The following CSMD1 variants were observed in gnomAD, a reference collection of about 807,000 sequenced individuals.
The protein encoded by CSMD1 is CUB and sushi domain-containing protein 1.
Under a neutral mutation model 417.5 loss-of-function variants are expected in CSMD1, and 213 were observed. The ratio of observed to expected loss-of-function variants is 0.51; its 90% CI spans 0.46 to 0.57. The LOEUF (loss-of-function observed/expected upper bound fraction) is 0.57, where lower values mean the gene tolerates loss of function less well. CSMD1 is among the 20% of genes least tolerant of loss of function. The pLI is 0.00. For synonymous variants in CSMD1, 2,862 were observed against 1,736.8 expected, an observed-to-expected ratio of 1.65 and a Z score of -16.11; for missense variants, 6,923 against 4,529.7, an observed-to-expected ratio of 1.53 and a Z score of -15.17.
At chr8:4,038,170 G>A (rs1382690965) in intron 3 of CSMD1, among the ~76,000 whole-genome samples, 3 of 152,072 alleles carry the variant, frequency 2.0e-5, no homozygotes, top group Non-Finnish European at 4.4e-5. Context: ...TTATGATTTA[G>A]GGATTGGGGA....
At chr8:3,346,094 C>T (rs1807970808) in intron 22 of CSMD1, among the ~76,000 whole-genome samples, 1 of 152,124 alleles carries the variant, frequency 6.6e-6, no homozygotes, top group African/African-American at 2.4e-5. Flanking sequence ...TTACTATAAA[C>T]ATTTTTAACA....
intron 2 of CSMD1, among the ~76,000 whole-genome samples, chr8:4,446,854 C>G (rs529401555): frequency 2.9e-4 from 43 of 150,224 alleles, no homozygotes; most frequent in Non-Finnish European, 5.8e-4. Flanking sequence ...AACTCCTGAC[C>G]TTGTGATCCA....
chr8:4,988,762 T>C (rs1584956786), intron 1 of CSMD1, among the ~76,000 whole-genome samples: 3 of 152,192 alleles, frequency 2.0e-5, no homozygotes, highest in Non-Finnish European at 4.4e-5. Flanking sequence ...TTAAAGAAAA[T>C]TGCAACTGAG....
Position 3,936,573 on chromosome 8 carries a change from A to C in CSMD1, c.818+61330T>G, listed in dbSNP as rs554328489. Among the ~76,000 whole-genome samples, 106 of 152,302 alleles carry C rather than the reference A, an allele frequency of 7.0e-4. 2 individuals are homozygous for C. The South Asian group carries it at 0.021, about 30-fold the overall frequency. ...AACAACAAAGCCGGGAAGATAGCAC[A>C]TCTCTTTATAGCATGGTTTACTGAA... On this transcript the variant is annotated intron_variant, in intron 5 of 69. Transcript: ENST00000635120.
At chr8:3,839,071 T>C (rs1341925064) in intron 5 of CSMD1, among the ~76,000 whole-genome samples, 1 of 126,112 alleles carries the variant, frequency 7.9e-6, no homozygotes, top group Non-Finnish European at 1.6e-5. Flanking sequence ...TATAGATATA[T>C]AGCCTAGGCT....
intron 1 of CSMD1, among the ~76,000 whole-genome samples, chr8:4,704,495 A>T (rs1481564417): frequency 6.6e-6 from 1 of 152,198 alleles, no homozygotes; most frequent in African/African-American, 2.4e-5. Flanking sequence ...TTTTTGTAGT[A>T]CTATTTTCTC....
chr8:4,936,208 T>C (rs1807609962), intron 1 of CSMD1, among the ~76,000 whole-genome samples: 1 of 152,186 alleles, frequency 6.6e-6, no homozygotes, highest in Non-Finnish European at 1.5e-5. Flanking sequence ...TATGCTTCCA[T>C]ATAATAAAGA....
intron 2 of CSMD1, among the ~76,000 whole-genome samples, chr8:4,486,220 T>G (rs1300061124): frequency 4.2e-5 from 1 of 23,556 alleles, no homozygotes; most frequent in Non-Finnish European, 8.4e-5. Flanking sequence ...TATATATATA[T>G]ATATACATAC....
intron 7 of CSMD1, among the ~76,000 whole-genome samples, chr8:3,676,648 C>T (rs1799388759): frequency 1.3e-5 from 2 of 152,112 alleles, no homozygotes; most frequent in African/African-American, 2.4e-5. Flanking sequence ...CACGCACACA[C>T]ATGTGGGTAG....
At chr8:3,128,198 C>T (rs904252340) in intron 41 of CSMD1, 1 of 152,094 alleles carries the variant, frequency 6.6e-6, no homozygotes, top group South Asian at 2.1e-4. Flanking sequence ...CTATTATTCA[C>T]ATCAAGTTTT....
chr8:3,711,711 C>T lies in CSMD1; in HGVS notation c.932-3220G>A, dbSNP rs567229491. 3.9e-5 allele frequency among the ~76,000 whole-genome samples: 6 copies of T among 152,266 alleles called. No homozygotes were observed. The South Asian group carries it at 1.2e-3, about 32-fold the overall frequency. ...CTCAGAAGTCCTCTGCCAGCTCTCC[C>T]CAGGATAATGCTTTCATCCAAAATG... On this transcript the variant is annotated intron_variant, in intron 6 of 69. Coordinates refer to ENST00000635120, the MANE Select transcript of CSMD1 (RefSeq NM_033225.6).
intron 1 of CSMD1, among the ~76,000 whole-genome samples, chr8:4,929,745 C>A (rs1450810707): frequency 1.3e-5 from 2 of 152,080 alleles, no homozygotes; most frequent in Non-Finnish European, 2.9e-5. Context: ...GACATTCACC[C>A]TAAGCCATGG....
chr8:3,925,809 G>C (rs906593083), intron 5 of CSMD1, among the ~76,000 whole-genome samples: 1 of 151,992 alleles, frequency 6.6e-6, no homozygotes, highest in African/African-American at 2.4e-5. Context: ...GTCTTTATCA[G>C]CAGCATTAAA....
intron 23 of CSMD1, among the ~76,000 whole-genome samples, chr8:3,316,775 G>C (rs1295928422): frequency 1.3e-5 from 2 of 152,164 alleles, no homozygotes; most frequent in Non-Finnish European, 2.9e-5. Flanking sequence ...CCAAGGAGTG[G>C]AGACCAACTC....
intron 5 of CSMD1, among the ~76,000 whole-genome samples, chr8:3,872,927 A>G (rs912742098): frequency 1.3e-5 from 2 of 152,158 alleles, no homozygotes; most frequent in African/African-American, 4.8e-5. Context: ...TAAGACATAC[A>G]TGTGGCCAAC....
intron 3 of CSMD1, among the ~76,000 whole-genome samples, chr8:4,038,220 T>C (rs1220469374): frequency 6.6e-6 from 1 of 152,128 alleles, no homozygotes; most frequent in Admixed American, 6.5e-5. Flanking sequence ...AAAGTTTTTG[T>C]AAAAATTTTA....
intron 1 of CSMD1, among the ~76,000 whole-genome samples, chr8:4,883,673 G>A (rs114682605): frequency 0.019 from 2,817 of 151,888 alleles, 95 homozygotes; most frequent in African/African-American, 0.059. Flanking sequence ...TTTTTATTGC[G>A]GAATAATAAC....
Position 3,499,231 on chromosome 8 carries a change from G to C in CSMD1, c.1345-5505C>G, listed in dbSNP as rs143298561. Among the ~76,000 whole-genome samples, 19 of 152,324 alleles carry C rather than the reference G, an allele frequency of 1.2e-4. 1 individual carries two copies. Among genetic ancestry groups the C allele is most frequent in the African/African-American group, 4.6e-4 (19 of 41,574 alleles). On this transcript the variant is annotated intron_variant, in intron 10 of 69. Coordinates refer to ENST00000635120, the MANE Select transcript of CSMD1 (RefSeq NM_033225.6). ...TATTCTGCATGAGTACAGTAGTGCA[G>C]TCTTCATGATATTTATTTGGTTGTA...
chr8:4,238,711 C>A (rs931277492), intron 3 of CSMD1, among the ~76,000 whole-genome samples: 6 of 152,158 alleles, frequency 3.9e-5, no homozygotes, highest in African/African-American at 7.2e-5. Context: ...CTGTTTGGGG[C>A]AGGTCAATAT....
Sources: allele counts gnomAD v4.1 joint callset (sites outside exome capture counted in the v4.1 genomes callset), GRCh38; gene constraint gnomAD v4.1.1; transcripts MANE v1.5; gene names NCBI Gene and HGNC (gene_info 2026-07-23, HGNC 2026-07-21).